Variants in PRPF8 observed in about 807,000 individuals in gnomAD.
PRPF8 encodes the protein pre-mRNA-processing-splicing factor 8.
PRPF8 carries 64 observed loss-of-function variants against 285.9 expected under a neutral mutation model. That is an observed-to-expected ratio of 0.22 (90% CI 0.18 to 0.28). PRPF8 has a LOEUF of 0.28. Ranked by LOEUF, PRPF8 falls within the 10% of genes least tolerant of loss-of-function variation. The pLI is 1.00. For missense variants in PRPF8, 1,426 were observed against 3,026.7 expected (o/e 0.47, Z 12.41); for synonymous variants, 1,325 against 1,118.2 (o/e 1.18, Z -3.69).
rs1567678617 is a variant in PRPF8, at chr17:1,659,118, CG to C, written c.5138+238del. On this transcript the variant is annotated intron_variant, in intron 32 of 42. Coordinates refer to ENST00000304992, the MANE Select transcript of PRPF8 (RefSeq NM_006445.4). This position sits in a 1 kb window ranked among gnomAD's most constrained non-coding sequence, Gnocchi z 5.1. Reference sequence around the variant, plus strand: ...TCGGTTCACTGCAAGCTCCGCCTCCCGGGTTCAAGTAATTCTCCCACCTCAA... The same window carrying C: ...TCGGTTCACTGCAAGCTCCGCCTCCCGGTTCAAGTAATTCTCCCACCTCAA... 1.6e-6 allele frequency: 1 copy of C among 640,084 alleles called. No homozygotes were observed. The highest frequency in any genetic ancestry group is 2.5e-5 in the Admixed American group (1 of 39,744). 39.7% of individuals were successfully genotyped at this position (640,084 alleles called of 1,614,324 possible). A position where few individuals can be genotyped will look rare whatever the true frequency, so the allele number is the denominator to read the frequency against.
At position 1,678,595 on chromosome 17, in the gene PRPF8, G is replaced by A; in HGVS notation, c.1777C>T (p.Arg593Ter). ...TGTCGCATCAGCTTGTATTTGTATC[G>A]ATACATGCCCGTCAACTGCCCAACA... ...AHVGQLTGMY[R>*]YKYKLMRQIR... The change falls in exon 13 of 43, where the codon CGA becomes TGA. Residue 593 changes from arginine (R) to a stop codon, truncating the protein, a stop_gained. Transcript: ENST00000304992. LOFTEE classifies it high-confidence loss of function. 6.2e-7 allele frequency: 1 copy of A among 1,614,188 alleles called. No homozygotes were observed. Among genetic ancestry groups the A allele is most frequent in the Non-Finnish European group, 8.5e-7 (1 of 1,180,032 alleles).
At chr17:1,669,631 T>G (rs1055791217) in intron 24 of PRPF8, among the ~76,000 whole-genome samples, 2 of 152,176 alleles carry the variant, frequency 1.3e-5, no homozygotes, top group South Asian at 4.1e-4. Flanking sequence ...TCCCTACTAT[T>G]TCTGTAACAG....
intron 5 of PRPF8, 21 bp from the exon 6 acceptor site, chr17:1,681,711 C>A: frequency 6.2e-7 from 1 of 1,612,836 alleles, no homozygotes; most frequent in Non-Finnish European, 8.5e-7. Context: ...AATGAAAGGC[C>A]CACCTCAAGT....
rs375103607 is a variant in PRPF8 at position 1,651,604 on chromosome 17, G to T, written c.6510+44C>A. The stretch of plus-strand genomic sequence containing the variant: ...TGAATCCCATCCACAGACAGGAATC[G>T]CACCAGCTTTTCCACACTCCCAGGC... On this transcript the variant is annotated intron_variant, in intron 40 of 42. Transcript: ENST00000304992. This position sits in a 1 kb window ranked among gnomAD's most constrained non-coding sequence, Gnocchi z 5.1. 3.7e-5 allele frequency: 59 copies of T among 1,613,990 alleles called. No individual in the cohort carries two copies. The South Asian group carries it at 6.5e-4, about 18-fold the overall frequency.
intron 7 of PRPF8, 49 bp from the exon 8 acceptor site, chr17:1,680,880 C>G (rs1209036091): frequency 6.2e-7 from 1 of 1,614,142 alleles, no homozygotes; most frequent in Non-Finnish European, 8.5e-7. Context: ...CTGGCCCAAC[C>G]TAAACAGCAG....
rs375211408 is a variant in PRPF8 at position 1,674,492 on chromosome 17, G to A, written c.3249C>T (p.His1083=). The A allele has an allele frequency of 1.1e-5, 18 of 1,614,068 alleles. No homozygotes were observed. The highest frequency in any genetic ancestry group is 1.3e-5 in the Non-Finnish European group (15 of 1,180,058). Residue 1083 remains histidine (H), a synonymous_variant, in exon 21 of 43, where the codon CAC becomes CAT. Transcript: ENST00000304992. ...TGTATCTGCAGAAGAGACGGATGGGGTGGGCAGCCTCAGTGGCTATGTCCT... is the reference window on the plus strand; with the variant it reads ...TGTATCTGCAGAAGAGACGGATGGGATGGGCAGCCTCAGTGGCTATGTCCT... ...SFQDIATEAA[H]PIRLFCRYID... is the part of the protein sequence containing the mutation.
chr17:1,682,098 C>A, intron 4 of PRPF8, 31 bp downstream of exon 4: 2 of 1,613,622 alleles, frequency 1.2e-6, no homozygotes, highest in Non-Finnish European at 1.7e-6. Flanking sequence ...ACCACCACCA[C>A]CACCACCCAC....
intron 24 of PRPF8, among the ~76,000 whole-genome samples, chr17:1,662,926 T>C (rs1013638952): frequency 2.0e-5 from 3 of 151,850 alleles, no homozygotes; most frequent in Non-Finnish European, 4.4e-5. Flanking sequence ...AGTATGTGGG[T>C]AAAATGCAAA....
At chr17:1,684,367 C>G (rs149946116) in intron 2 of PRPF8, 105 bp downstream of exon 2, 39,365 of 1,099,744 alleles carry the variant, frequency 0.036, 881 homozygotes, top group Non-Finnish European at 0.044. Context: ...AACAAGGGAG[C>G]TGACACCTCA....
At chr17:1,667,369 A>G (rs1320297439) in intron 24 of PRPF8, among the ~76,000 whole-genome samples, 1 of 152,186 alleles carries the variant, frequency 6.6e-6, no homozygotes, top group Non-Finnish European at 1.5e-5. Flanking sequence ...TGAGGAGCCC[A>G]GTGTTCCTTT....
At position 1,659,356 on chromosome 17, in the gene PRPF8, C is replaced by G; in HGVS notation, c.5138+1G>C. ...ATACATGGTCCTGAGCCTCAACTCA[C>G]CTGTGCAAGTTATAGGCCAGGTCAA... On this transcript the variant is annotated splice_donor_variant, in intron 32 of 42. Coordinates refer to ENST00000304992, the MANE Select transcript of PRPF8 (RefSeq NM_006445.4). LOFTEE classifies it high-confidence loss of function. The surrounding 1 kb of genome is among the most constrained non-coding windows in gnomAD (Gnocchi z 5.1). 1.2e-6 allele frequency: 2 copies of G among 1,613,988 alleles called. No individual in the cohort carries two copies. The highest frequency in any genetic ancestry group is 1.7e-6 in the Non-Finnish European group (2 of 1,180,014).
In PRPF8 at chr17:1,651,061, C is replaced by T; in HGVS notation, c.6853+47G>A. ...CCAAGTGCAAAGGGCGATGGCCTCACCTTATCCCTACTGCTATCCCCACAT... is the reference window on the plus strand; with the variant it reads ...CCAAGTGCAAAGGGCGATGGCCTCATCTTATCCCTACTGCTATCCCCACAT... On this transcript the variant is annotated intron_variant, in intron 42 of 42. Transcript: ENST00000304992. This position sits in a 1 kb window ranked among gnomAD's most constrained non-coding sequence, Gnocchi z 5.1. 1 of 1,613,812 alleles carries T rather than the reference C, an allele frequency of 6.2e-7. No homozygotes were observed. Among genetic ancestry groups the T allele is most frequent in the Non-Finnish European group, 8.5e-7 (1 of 1,179,694 alleles).
chr17:1,651,096 C>T lies in PRPF8; in HGVS notation c.6853+12G>A, dbSNP rs762243872. On this transcript the variant is annotated intron_variant, in intron 42 of 42. Coordinates refer to ENST00000304992, the MANE Select transcript of PRPF8 (RefSeq NM_006445.4). The surrounding 1 kb of genome is among the most constrained non-coding windows in gnomAD (Gnocchi z 5.1). ...ACTGCTATCCCCACATCCCCAGGCT[C>T]CTCCCACTTACCCATGAAGTTGTAG... The T allele has an allele frequency of 5.6e-6, 9 of 1,614,200 alleles. No homozygotes were observed. Among genetic ancestry groups the T allele is most frequent in the South Asian group, 5.5e-5 (5 of 91,088 alleles).
At chr17:1,684,444 C>T (rs776714850) in intron 2 of PRPF8, 28 bp downstream of exon 2, 19 of 1,611,580 alleles carry the variant, frequency 1.2e-5, no homozygotes, top group Non-Finnish European at 1.4e-5. Context: ...GCCTCCGGCC[C>T]GCGCGCCGCT....
Position 1,653,998 on chromosome 17 carries a change from C to T in PRPF8, c.6006G>A (p.Leu2002=). 1 of 1,614,150 alleles carries T rather than the reference C, an allele frequency of 6.2e-7. No individual in the cohort carries two copies. The highest frequency in any genetic ancestry group is 8.5e-7 in the Non-Finnish European group (1 of 1,180,040). Residue 2002 remains leucine, a synonymous_variant, in exon 38 of 43, where the codon CTG becomes CTA. Coordinates refer to ENST00000304992, the MANE Select transcript of PRPF8 (RefSeq NM_006445.4). The surrounding 1 kb of genome is among the most constrained non-coding windows in gnomAD (Gnocchi z 4.9). Reference sequence around the variant, plus strand: ...TGATGTCTCGAATTTCTGATTGTGTCAGTGATGCCACGTTCACACTGTGGG... The same window carrying T: ...TGATGTCTCGAATTTCTGATTGTGTTAGTGATGCCACGTTCACACTGTGGG... The part of the protein sequence containing the change: ...GKKNNVNVAS[L]TQSEIRDIIL...
chr17:1,670,377 T>C (rs1912240021), intron 24 of PRPF8, among the ~76,000 whole-genome samples: 1 of 152,220 alleles, frequency 6.6e-6, no homozygotes, highest in Non-Finnish European at 1.5e-5. Flanking sequence ...TTTTTGACTT[T>C]TCTTTGAGCA....
chr17:1,684,786 G>C lies in PRPF8; in HGVS notation c.-18C>G, dbSNP rs556729576. The stretch of plus-strand genomic sequence containing the variant: ...TTAAACGCCTGCCACGCACCCCACA[G>C]GCCCTCACACAAGAGGCCGCTTTCC... On this transcript the variant is annotated 5_prime_UTR_variant, in exon 1 of 43. Transcript: ENST00000304992. 1.6e-6 allele frequency: 1 copy of C among 608,374 alleles called. No homozygotes were observed. The highest frequency in any genetic ancestry group is 1.9e-5 in the South Asian group (1 of 52,490). 37.7% of individuals were successfully genotyped at this position (608,374 alleles called of 1,614,324 possible). A position where few individuals can be genotyped will look rare whatever the true frequency, so the allele number is the denominator to read the frequency against.
At position 1,661,067 on chromosome 17, in the gene PRPF8, C is replaced by T. The variant is rs766245358; in HGVS notation, c.4434G>A (p.Leu1478=). The change falls in exon 28 of 43, where the codon CTG becomes CTA. Residue 1478 remains leucine (L), a synonymous_variant. Coordinates refer to ENST00000304992, the MANE Select transcript of PRPF8 (RefSeq NM_006445.4). This position sits in a 1 kb window ranked among gnomAD's most constrained non-coding sequence, Gnocchi z 7.3. The stretch of plus-strand genomic sequence containing the variant: ...GTTCCAGAATGCCTTCCACACCGCC[C>T]AGGGCCTGGATCATGTCTGTACGGT... The part of the protein sequence containing the change: ...NNYRTDMIQA[L]GGVEGILEHT... 2 of 1,614,214 alleles carry T rather than the reference C, an allele frequency of 1.2e-6. No individual in the cohort carries two copies. The highest frequency in any genetic ancestry group is 1.1e-5 in the South Asian group (1 of 91,086).
At position 1,673,414 on chromosome 17, in the gene PRPF8, G is replaced by A. The variant is rs1912436289; in HGVS notation, c.3600C>T (p.Cys1200=). Reference sequence around the variant, plus strand: ...GGGTGAACTCCTCATAGCTGGTGCGGCACTTAGGCAGGATGCGGCACTCGA... The same window carrying A: ...GGGTGAACTCCTCATAGCTGGTGCGACACTTAGGCAGGATGCGGCACTCGA... ...CGFECRILPK[C]RTSYEEFTHK... The change falls in exon 23 of 43, where the codon TGC becomes TGT. Residue 1200 remains cysteine, a synonymous_variant. Transcript: ENST00000304992. The surrounding 1 kb of genome is among the most constrained non-coding windows in gnomAD (Gnocchi z 5.5). 4 of 1,614,128 alleles carry A rather than the reference G, an allele frequency of 2.5e-6. No homozygotes were observed. The highest frequency in any genetic ancestry group is 3.4e-6 in the Non-Finnish European group (4 of 1,180,040).
Sources: gnomAD v4.1 joint callset for allele counts (sites outside exome capture counted in the v4.1 genomes callset) on GRCh38, gnomAD v4.1.1 for gene constraint, Gnocchi (gnomAD v3.1) non-coding constraint, MANE v1.5 for transcripts, NCBI Gene and HGNC (gene_info 2026-07-23, HGNC 2026-07-21) for gene names.